The following ANAPC1 variants were observed in gnomAD, a reference collection of about 807,000 sequenced individuals.
ANAPC1 encodes the protein anaphase-promoting complex subunit 1.
Under a neutral mutation model 208.0 loss-of-function variants are expected in ANAPC1, and 36 were observed. The ratio of observed to expected loss-of-function variants is 0.17; its 90% confidence interval spans 0.13 to 0.23. ANAPC1 has a LOEUF of 0.23. ANAPC1 is among the 10% of genes least tolerant of loss of function. ANAPC1 has a pLI of 1.00. For synonymous variants in ANAPC1, 378 were observed against 695.2 expected (o/e 0.54, Z 7.18); for missense variants, 942 against 2,011.6 (o/e 0.47, Z 10.17).
chr2:111,796,260 A>G (rs1678161095), intron 34 of ANAPC1, among the ~76,000 whole-genome samples: 1 of 149,936 alleles, frequency 6.7e-6, no homozygotes. Context: ...ATAAATAAAT[A>G]TTAGAAGGCA....
chr2:111,845,892 A>G (rs10864890), intron 16 of ANAPC1, among the ~76,000 whole-genome samples: 87,264 of 150,196 alleles, frequency 0.58, 26,235 homozygotes, highest in South Asian at 0.69. Context: ...GGAGAATGGC[A>G]TGAACCCGGG....
chr2:111,859,386 G>C (rs1247131892), intron 10 of ANAPC1, among the ~76,000 whole-genome samples: 1 of 152,028 alleles, frequency 6.6e-6, no homozygotes, highest in Admixed American at 6.6e-5. Flanking sequence ...CAGGATAATC[G>C]ATTGAACCTG....
chr2:111,852,626 C>A (rs1681466612), intron 13 of ANAPC1, among the ~76,000 whole-genome samples: 1 of 151,990 alleles, frequency 6.6e-6, no homozygotes. Context: ...CAAATGATTT[C>A]TCTGCATCTA....
chr2:111,774,685 CA>C (rs1558655748), intron 46 of ANAPC1, among the ~76,000 whole-genome samples: 1 of 20,096 alleles, frequency 5.0e-5, no homozygotes, highest in African/African-American at 1.9e-4. Context: ...AAAAAAAGGA[CA>C]ATGCCAAAAA....
At chr2:111,883,615 C>CG (rs1223812878) in intron 1 of ANAPC1, among the ~76,000 whole-genome samples, 3 of 151,904 alleles carry the variant, frequency 2.0e-5, no homozygotes, top group Non-Finnish European at 4.4e-5. Context: ...TTCTAGAGGA[C>CG]GGTGAAAACA....
chr2:111,782,312 G>C lies in ANAPC1; in HGVS notation c.5202+57C>G. 3 of 1,610,268 alleles carry C rather than the reference G, an allele frequency of 1.9e-6. No homozygotes were observed. The South Asian group carries it at 3.3e-5, about 18-fold the overall frequency. On this transcript the variant is annotated intron_variant, in intron 43 of 47. Coordinates refer to ENST00000341068, the MANE Select transcript of ANAPC1 (RefSeq NM_022662.4). The stretch of plus-strand genomic sequence containing the variant: ...ACCTTTGAAGTTTATAGCAATGGGC[G>C]AGGAAGCCGGCAATTTAGAATTATT...
chr2:111,831,770 G>A (rs1372937577), intron 20 of ANAPC1, among the ~76,000 whole-genome samples: 1 of 148,694 alleles, frequency 6.7e-6, no homozygotes, highest in Admixed American at 6.8e-5. Flanking sequence ...GAACCCAGGA[G>A]GTGGAGGTTG....
chr2:111,880,413 A>G lies in ANAPC1; in HGVS notation c.213+200T>C. 1.9e-6 allele frequency: 2 copies of G among 1,029,336 alleles called. 1 individual carries two copies. The highest frequency in any genetic ancestry group is 5.5e-5 in the South Asian group (2 of 36,628). The allele number at this position is 1,029,336 out of a possible 1,614,324, so 63.8% of individuals were successfully genotyped here. On this transcript the variant is annotated intron_variant, in intron 2 of 47. Coordinates refer to ENST00000341068, the MANE Select transcript of ANAPC1 (RefSeq NM_022662.4). The stretch of plus-strand genomic sequence containing the variant: ...AAAATAAAAAATAAATAAAACCACA[A>G]GTTATAGAGGGTATCTAAATAAGTC...
At chr2:111,867,627 G>C (rs534640165) in intron 7 of ANAPC1, among the ~76,000 whole-genome samples, 1 of 151,732 alleles carries the variant, frequency 6.6e-6, no homozygotes, top group East Asian at 1.9e-4. Flanking sequence ...GGGAGGCAGA[G>C]GTTACAGTGA....
intron 47 of ANAPC1, among the ~76,000 whole-genome samples, 172 bp from the exon 48 acceptor site, chr2:111,769,578 G>A (rs1676606466): frequency 6.6e-6 from 1 of 151,174 alleles, no homozygotes; most frequent in Admixed American, 6.6e-5. Flanking sequence ...ACACTGTAAT[G>A]TAAATTGAGT....
At chr2:111,850,711 C>G in intron 14 of ANAPC1, 65 bp downstream of exon 14, 1 of 1,580,254 alleles carries the variant, frequency 6.3e-7, no homozygotes, top group Non-Finnish European at 8.6e-7. Flanking sequence ...ATGGAAAGAA[C>G]TAATGTTTAA....
chr2:111,822,068 A>G (rs1010343756), intron 25 of ANAPC1, among the ~76,000 whole-genome samples: 5 of 152,056 alleles, frequency 3.3e-5, no homozygotes, highest in African/African-American at 1.2e-4. Context: ...AATTCAGGAT[A>G]TATGTGCTCT....
intron 1 of ANAPC1, among the ~76,000 whole-genome samples, chr2:111,881,985 C>A (rs1033698614): frequency 1.4e-4 from 21 of 152,096 alleles, no homozygotes; most frequent in African/African-American, 5.1e-4. Context: ...GAGATCGAGA[C>A]CATCCTGGCT....
At chr2:111,826,910 C>T (rs1368309394) in intron 21 of ANAPC1, among the ~76,000 whole-genome samples, 3 of 152,104 alleles carry the variant, frequency 2.0e-5, no homozygotes, top group African/African-American at 7.2e-5. Context: ...CCGCCCTCCT[C>T]GGCCTCCCAA....
intron 3 of ANAPC1, among the ~76,000 whole-genome samples, chr2:111,877,362 T>G (rs1454830091): frequency 6.6e-6 from 1 of 152,184 alleles, no homozygotes; most frequent in African/African-American, 2.4e-5. Context: ...CTTTTTTTCT[T>G]TCTCCGTGAC....
At chr2:111,870,509 T>C (rs1314435157) in intron 6 of ANAPC1, among the ~76,000 whole-genome samples, 1 of 152,238 alleles carries the variant, frequency 6.6e-6, no homozygotes, top group Admixed American at 6.5e-5. Context: ...CATTTGTGTA[T>C]CTTCTTTTGA....
intron 9 of ANAPC1, among the ~76,000 whole-genome samples, chr2:111,863,398 TCC>T (rs1183845896): frequency 6.6e-6 from 1 of 150,502 alleles, no homozygotes; most frequent in Non-Finnish European, 1.5e-5. Context: ...GCGCCTGTAG[TCC>T]CAGCTGGAGG....
intron 10 of ANAPC1, among the ~76,000 whole-genome samples, chr2:111,860,286 G>C (rs963686048): frequency 6.6e-6 from 1 of 151,590 alleles, no homozygotes; most frequent in Admixed American, 6.6e-5. Flanking sequence ...CTGGGTGACA[G>C]AGTGAGACCC....
chr2:111,786,622 T>C (rs1333303327), intron 39 of ANAPC1, among the ~76,000 whole-genome samples: 1 of 53,058 alleles, frequency 1.9e-5, no homozygotes, highest in Admixed American at 2.1e-4. Context: ...GGCGTGAACC[T>C]GGGAGGCGGA....
Sources: allele counts gnomAD v4.1 joint callset (sites outside exome capture counted in the v4.1 genomes callset), GRCh38; gene constraint gnomAD v4.1.1; transcripts MANE v1.5; gene names NCBI Gene and HGNC (gene_info 2026-07-23, HGNC 2026-07-21).